The following KCNMA1 variants were observed in gnomAD, a reference collection of about 807,000 sequenced individuals.
KCNMA1 encodes the protein Calcium-activated potassium channel subunit alpha-1.
KCNMA1 carries 29 observed loss-of-function variants against 140.0 expected under a neutral mutation model. The ratio of observed to expected loss-of-function variants is 0.21; its 90% CI spans 0.15 to 0.28. The LOEUF (loss-of-function observed/expected upper bound fraction) is 0.28, where lower values mean the gene tolerates loss of function less well. KCNMA1 is among the 10% of genes least tolerant of loss of function. KCNMA1 has a pLI of 1.00. For missense variants in KCNMA1, 880 were observed against 1,602.2 expected (o/e 0.55, Z 7.70); for synonymous variants, 612 against 611.9 (o/e 1.00, Z 0.00).
At chr10:77,536,940 T>C (rs957819463) in intron 1 of KCNMA1, among the ~76,000 whole-genome samples, 2 of 152,246 alleles carry the variant, frequency 1.3e-5, no homozygotes, top group African/African-American at 4.8e-5. Flanking sequence ...TGGAGTGTGA[T>C]GTCTTGTGTC....
chr10:77,340,856 T>C (rs1293560661), intron 2 of KCNMA1, among the ~76,000 whole-genome samples: 1 of 147,112 alleles, frequency 6.8e-6, no homozygotes, highest in African/African-American at 2.5e-5. Context: ...GAACTTAAAG[T>C]ATAATTTAAA....
chr10:77,039,883 C>CTTTTTTT lies in KCNMA1; in HGVS notation c.1750-253_1750-247dup, dbSNP rs34943268. ...TCTTTCCTTTTTCTTTTTTCTTTTT[C>CTTTTTTT]TTTTTTTTTTTTTTTTTTTTTTTGA... On this transcript the variant is annotated intron_variant, in intron 14 of 27. Transcript: ENST00000286628. Among the ~76,000 whole-genome samples, 456 of 78,914 alleles carry CTTTTTTT rather than the reference C, an allele frequency of 5.8e-3. 3 individuals are homozygous for CTTTTTTT. The highest frequency in any genetic ancestry group is 0.013 in the East Asian group (31 of 2,324). 51.8% of individuals were successfully genotyped at this position (78,914 alleles called of 152,430 possible).
intron 20 of KCNMA1, among the ~76,000 whole-genome samples, chr10:76,965,676 C>A (rs1230736745): frequency 6.6e-6 from 1 of 152,188 alleles, no homozygotes; most frequent in Non-Finnish European, 1.5e-5. Flanking sequence ...TGTCTTCCAT[C>A]ATCCTAATTA....
intron 2 of KCNMA1, among the ~76,000 whole-genome samples, chr10:77,354,795 C>T (rs2093317724): frequency 6.6e-6 from 1 of 152,118 alleles, no homozygotes; most frequent in Non-Finnish European, 1.5e-5. Context: ...CAAGGAAAGG[C>T]CTAGAATTTG....
At chr10:76,982,012 A>C (rs1029086000) in intron 19 of KCNMA1, among the ~76,000 whole-genome samples, 5 of 152,156 alleles carry the variant, frequency 3.3e-5, no homozygotes, top group African/African-American at 1.2e-4. Flanking sequence ...TGGCCTTGGC[A>C]AGACACTTCC....
At chr10:77,114,746 C>T (rs778040723) in intron 6 of KCNMA1, among the ~76,000 whole-genome samples, 1 of 152,206 alleles carries the variant, frequency 6.6e-6, no homozygotes, top group Non-Finnish European at 1.5e-5. Flanking sequence ...ATCCTACTGA[C>T]TTAAGATGTC....
rs1564903683 is a variant in KCNMA1, at chr10:76,918,949, T to TAC, written c.2903-3901_2903-3900insGT. On this transcript the variant is annotated intron_variant, in intron 23 of 27. Coordinates refer to ENST00000286628, the MANE Select transcript of KCNMA1 (RefSeq NM_001161352.2). Reference sequence around the variant, plus strand: ...ACACACACACACACACACACACACATATATATGTGAGTGAATACTACACAG... The same window carrying TAC: ...ACACACACACACACACACACACACATACATATATGTGAGTGAATACTACACAG... Among the ~76,000 whole-genome samples the TAC allele has an allele frequency of 5.3e-4, 74 of 138,578 alleles. No homozygotes were observed. The South Asian group carries it at 0.016, about 29-fold the overall frequency. The allele number at this position is 138,578 out of a possible 152,430, so 90.9% of individuals were successfully genotyped here.
intron 14 of KCNMA1, among the ~76,000 whole-genome samples, chr10:77,068,722 G>GTGTGTGTGTGTGTGTGTA (rs2096061174): frequency 6.6e-6 from 1 of 150,546 alleles, no homozygotes; most frequent in African/African-American, 2.4e-5. Context: ...GTGTGTGTGT[G>GTGTGTGTGTGTGTGTGTA]TGTGTGTGTG....
At chr10:77,590,922 G>A (rs921108967) in intron 1 of KCNMA1, among the ~76,000 whole-genome samples, 6 of 152,230 alleles carry the variant, frequency 3.9e-5, no homozygotes, top group African/African-American at 1.4e-4. Flanking sequence ...AGAACCTGGA[G>A]CCAGGAAGAA....
intron 19 of KCNMA1, among the ~76,000 whole-genome samples, chr10:76,992,500 T>C (rs557436457): frequency 6.6e-6 from 1 of 152,314 alleles, no homozygotes; most frequent in Admixed American, 6.5e-5. Context: ...GAGGGTCCCC[T>C]GACTATCCAG....
At chr10:77,122,910 G>A (rs1349110120) in intron 5 of KCNMA1, among the ~76,000 whole-genome samples, 1 of 152,078 alleles carries the variant, frequency 6.6e-6, no homozygotes, top group Non-Finnish European at 1.5e-5. Flanking sequence ...CGGGCACGGT[G>A]GCTCATGCCT....
intron 1 of KCNMA1, among the ~76,000 whole-genome samples, chr10:77,428,872 T>A (rs902832770): frequency 1.3e-5 from 2 of 152,204 alleles, no homozygotes; most frequent in African/African-American, 2.4e-5. Flanking sequence ...CGGGAACTGC[T>A]CCTGGCAGGC....
chr10:77,215,906 C>CCTCTCT (rs144962422), intron 3 of KCNMA1, among the ~76,000 whole-genome samples: 2 of 139,022 alleles, frequency 1.4e-5, no homozygotes, highest in African/African-American at 2.7e-5. Context: ...TCTCCTCTCT[C>CCTCTCT]CTCTCTCTCT....
At chr10:77,017,509 A>G (rs2092285458) in intron 17 of KCNMA1, among the ~76,000 whole-genome samples, 2 of 152,204 alleles carry the variant, frequency 1.3e-5, no homozygotes, top group African/African-American at 4.8e-5. Context: ...CCACAACTCA[A>G]TCATGGCAAT....
intron 1 of KCNMA1, among the ~76,000 whole-genome samples, chr10:77,426,135 C>T (rs1378746727): frequency 1.3e-5 from 2 of 152,114 alleles, no homozygotes; most frequent in African/African-American, 4.8e-5. Context: ...GTAGGACATA[C>T]GTGAAGGACT....
intron 19 of KCNMA1, chr10:76,978,472 A>G (rs1301927596): frequency 6.6e-6 from 1 of 152,218 alleles, no homozygotes; most frequent in Non-Finnish European, 1.5e-5. Context: ...GCTGGAGCTT[A>G]CAAAGCAATA....
At chr10:76,979,740 C>T (rs1335010519) in intron 19 of KCNMA1, 2 of 152,106 alleles carry the variant, frequency 1.3e-5, no homozygotes, top group East Asian at 1.9e-4. Flanking sequence ...TTCCATTGAG[C>T]CAATGGTGTC....
In KCNMA1 at chr10:77,430,775, A is replaced by G. The variant is rs2097136897; in HGVS notation, c.379-26752T>C. ...AAGTACAACTCCCATGAGAATCACT[A>G]AAGCTGATTCGTCTTTGTATCAATG... On this transcript the variant is annotated intron_variant, in intron 1 of 27. Coordinates refer to ENST00000286628, the MANE Select transcript of KCNMA1 (RefSeq NM_001161352.2). Among the ~76,000 whole-genome samples the G allele has an allele frequency of 1.3e-5, 2 of 152,216 alleles. 1 individual carries two copies. The highest frequency in any genetic ancestry group is 4.1e-4 in the South Asian group (2 of 4,832).
Position 77,612,610 on chromosome 10 carries a change from G to A in KCNMA1, c.378+24655C>T, listed in dbSNP as rs965603339. On this transcript the variant is annotated intron_variant, in intron 1 of 27. Coordinates refer to ENST00000286628, the MANE Select transcript of KCNMA1 (RefSeq NM_001161352.2). ...TCCAAGAACAGGCGGCTGCACAGGC[G>A]CATACATTGTACCAACCTGTACACC... is the stretch of plus-strand genomic sequence containing the variant. Among the ~76,000 whole-genome samples, 4 of 152,246 alleles carry A rather than the reference G, an allele frequency of 2.6e-5. No individual in the cohort carries two copies. In the East Asian group the frequency reaches 7.7e-4, roughly 29 times the overall value.
Sources: gnomAD v4.1 joint callset for allele counts (sites outside exome capture counted in the v4.1 genomes callset) on GRCh38, gnomAD v4.1.1 for gene constraint, MANE v1.5 for transcripts, NCBI Gene and HGNC (gene_info 2026-07-23, HGNC 2026-07-21) for gene names.